CFDP1: variants seen among roughly 807,000 people sequenced by gnomAD.
CFDP1 encodes heterochromatin-stabilizing protein CFDP1.
CFDP1 carries 31 observed loss-of-function variants against 40.1 expected under a neutral mutation model. The ratio of observed to expected loss-of-function variants is 0.77; its 90% CI spans 0.58 to 1.04. The LOEUF is 1.04. Ranked by LOEUF, CFDP1 falls within the 50% of genes least tolerant of loss-of-function variation. CFDP1 has a pLI of 0.00. For synonymous variants in CFDP1, 167 were observed against 120.0 expected (o/e 1.39, Z -2.56); for missense variants, 423 against 343.4 (o/e 1.23, Z -1.83).
chr16:75,361,364 C>T (rs1449182130), intron 5 of CFDP1, among the ~76,000 whole-genome samples: 2 of 152,148 alleles, frequency 1.3e-5, no homozygotes, highest in African/African-American at 2.4e-5. Flanking sequence ...CACCTGTAAT[C>T]CCAGCACTCT....
chr16:75,324,320 A>T (rs1328705975), intron 5 of CFDP1, among the ~76,000 whole-genome samples: 1 of 152,124 alleles, frequency 6.6e-6, no homozygotes, highest in African/African-American at 2.4e-5. Context: ...AGGCACTGAG[A>T]TGTGTGTGAA....
At chr16:75,298,946 T>C (rs1272477327) in intron 6 of CFDP1, among the ~76,000 whole-genome samples, 3 of 152,226 alleles carry the variant, frequency 2.0e-5, no homozygotes, top group Admixed American at 1.3e-4. Context: ...TAACCTTCAA[T>C]TGATTGATCA....
In CFDP1 at chr16:75,352,556, G is replaced by C. The variant is rs530957487; in HGVS notation, c.650+42534C>G. On this transcript the variant is annotated intron_variant, in intron 5 of 6. Coordinates refer to ENST00000283882, the MANE Select transcript of CFDP1 (RefSeq NM_006324.3). ...TAATAAGTGTATCATAATCATAAGT[G>C]TATCTCTATCTTTTTAAAAAAATAA... Among the ~76,000 whole-genome samples the C allele has an allele frequency of 3.9e-5, 6 of 152,186 alleles. No homozygotes were observed. In the South Asian group the frequency reaches 1.2e-3, roughly 32 times the overall value.
At chr16:75,427,820 C>CA (rs1477653085) in intron 1 of CFDP1, among the ~76,000 whole-genome samples, 1 of 152,174 alleles carries the variant, frequency 6.6e-6, no homozygotes, top group Non-Finnish European at 1.5e-5. Context: ...TATTTGTAAT[C>CA]ATAAAAAATT....
At chr16:75,295,671 A>C (rs761087659) in intron 6 of CFDP1, among the ~76,000 whole-genome samples, 2 of 152,212 alleles carry the variant, frequency 1.3e-5, no homozygotes, top group Non-Finnish European at 2.9e-5. Flanking sequence ...GAATGGCTGG[A>C]AACACAATGA....
At chr16:75,419,969 T>C (rs1040221621) in intron 1 of CFDP1, among the ~76,000 whole-genome samples, 19 of 152,066 alleles carry the variant, frequency 1.2e-4, no homozygotes, top group African/African-American at 4.1e-4. Flanking sequence ...TCGAATTCTT[T>C]CTTGTTCGAG....
intron 5 of CFDP1, among the ~76,000 whole-genome samples, chr16:75,388,342 C>T (rs574408823): frequency 4.6e-5 from 7 of 152,202 alleles, no homozygotes; most frequent in African/African-American, 1.7e-4. Context: ...AATATTTAAC[C>T]TGTAGTCTGA....
At chr16:75,361,169 T>C (rs2078677020) in intron 5 of CFDP1, among the ~76,000 whole-genome samples, 1 of 151,918 alleles carries the variant, frequency 6.6e-6, no homozygotes, top group African/African-American at 2.4e-5. Flanking sequence ...ACCACCACAC[T>C]CGGCTAATTT....
rs2050656654 is a variant in CFDP1 at position 75,374,129 on chromosome 16, T to TA, written c.650+20960dup. 3.3e-5 allele frequency among the ~76,000 whole-genome samples: 5 copies of TA among 152,166 alleles called. No homozygotes were observed. The South Asian group carries it at 1.0e-3, about 32-fold the overall frequency. ...TCAGCCAGGCGTGGTGGTGGGTGCC[T>TA]ATAGTCCCAGCTACTTGGGAGGCTG... On this transcript the variant is annotated intron_variant, in intron 5 of 6. Transcript: ENST00000283882.
At chr16:75,302,938 G>A (rs530837910) in intron 6 of CFDP1, among the ~76,000 whole-genome samples, 2 of 152,288 alleles carry the variant, frequency 1.3e-5, no homozygotes, top group East Asian at 3.9e-4. Context: ...GCTCACACCT[G>A]TAATCCCAGA....
At chr16:75,425,562 T>C (rs537441925) in intron 1 of CFDP1, among the ~76,000 whole-genome samples, 2 of 151,652 alleles carry the variant, frequency 1.3e-5, no homozygotes, top group East Asian at 1.9e-4. Context: ...CCTATACAAG[T>C]ATGGCCAGTT....
intron 5 of CFDP1, among the ~76,000 whole-genome samples, chr16:75,309,839 A>C (rs1313543226): frequency 2.0e-5 from 3 of 150,776 alleles, no homozygotes; most frequent in African/African-American, 4.9e-5. Context: ...AAAAAAAAAA[A>C]AAAAAACCAA....
intron 5 of CFDP1, among the ~76,000 whole-genome samples, chr16:75,323,413 C>T (rs906905744): frequency 6.6e-6 from 1 of 151,716 alleles, no homozygotes; most frequent in Non-Finnish European, 1.5e-5. Flanking sequence ...GAAGGACCTG[C>T]CTGAGGCTGT....
At chr16:75,364,772 A>C (rs1230053755) in intron 5 of CFDP1, among the ~76,000 whole-genome samples, 1 of 152,240 alleles carries the variant, frequency 6.6e-6, no homozygotes, top group Non-Finnish European at 1.5e-5. Context: ...TAATGTTTTA[A>C]ATTTCTCAGT....
At chr16:75,342,303 C>A (rs2078532533) in intron 5 of CFDP1, among the ~76,000 whole-genome samples, 1 of 152,224 alleles carries the variant, frequency 6.6e-6, no homozygotes, top group African/African-American at 2.4e-5. Context: ...GCTACAGTCA[C>A]AAATCCTTGT....
chr16:75,296,874 G>C (rs947561392), intron 6 of CFDP1, among the ~76,000 whole-genome samples: 7 of 152,162 alleles, frequency 4.6e-5, no homozygotes, highest in Non-Finnish European at 5.9e-5. Flanking sequence ...GCCAAGAGCT[G>C]ACCATGAACA....
chr16:75,347,571 C>T (rs532557577), intron 5 of CFDP1, among the ~76,000 whole-genome samples: 14 of 151,658 alleles, frequency 9.2e-5, no homozygotes, highest in African/African-American at 3.1e-4. Context: ...CCCAGCTACT[C>T]GGGAGGCTGA....
chr16:75,398,068 A>G (rs1440123952), intron 4 of CFDP1, among the ~76,000 whole-genome samples: 1 of 152,212 alleles, frequency 6.6e-6, no homozygotes, highest in Non-Finnish European at 1.5e-5. Context: ...CCCAACAAAC[A>G]AGCAGCTTGG....
intron 2 of CFDP1, among the ~76,000 whole-genome samples, chr16:75,413,818 G>A (rs1375813131): frequency 6.6e-6 from 1 of 152,180 alleles, no homozygotes; most frequent in Non-Finnish European, 1.5e-5. Context: ...CATGGGAAAA[G>A]AAGCCCATAC....
Sources: allele counts gnomAD v4.1 joint callset (sites outside exome capture counted in the v4.1 genomes callset), GRCh38; gene constraint gnomAD v4.1.1; transcripts MANE v1.5; gene names NCBI Gene and HGNC (gene_info 2026-07-23, HGNC 2026-07-21).